Variants in STRIP1 observed in about 807,000 individuals in gnomAD.
STRIP1 encodes the protein striatin-interacting protein 1.
STRIP1 carries 63 observed loss-of-function variants against 106.2 expected under a neutral mutation model. The observed-to-expected ratio is 0.59, with a 90% CI of 0.48 to 0.73. The LOEUF (loss-of-function observed/expected upper bound fraction) is 0.73, where lower values mean the gene tolerates loss of function less well. Among genes scored for constraint, STRIP1 ranks in the 30% least tolerant of loss-of-function variants. The pLI is 0.00. For synonymous variants in STRIP1, 390 were observed against 413.0 expected (o/e 0.94, Z 0.67); for missense variants, 857 against 1,074.8 (o/e 0.80, Z 2.83).
chr1:110,043,300 T>C (rs946392150), intron 9 of STRIP1, 30 bp downstream of exon 9: 2 of 1,602,028 alleles, frequency 1.2e-6, no homozygotes. Context: ...CTGTGACTCC[T>C]GAGGGCCCTC....
At chr1:110,038,427 G>A (rs779100219) in intron 2 of STRIP1, among the ~76,000 whole-genome samples, 1 of 152,194 alleles carries the variant, frequency 6.6e-6, no homozygotes, top group Admixed American at 6.5e-5. Context: ...GTGGCCGTCA[G>A]CCCTGGCATG....
At chr1:110,034,906 T>C in intron 1 of STRIP1, 89 bp downstream of exon 1, 1 of 1,273,774 alleles carries the variant, frequency 7.9e-7, no homozygotes, top group Non-Finnish European at 1.0e-6. Flanking sequence ...CAGGTTGGGC[T>C]TCCCGGAGGG....
At chr1:110,046,777 C>T (rs375496806) in intron 13 of STRIP1, 26 bp downstream of exon 13, 37 of 1,584,948 alleles carry the variant, frequency 2.3e-5, no homozygotes, top group Middle Eastern at 1.7e-4. Flanking sequence ...TCAGTCCGGG[C>T]GCGGTGGCTC....
At chr1:110,039,838 G>A (rs1363550052) in intron 5 of STRIP1, 26 of 1,311,450 alleles carry the variant, frequency 2.0e-5, no homozygotes, top group Non-Finnish European at 2.3e-5. Flanking sequence ...TGCTGTGTTC[G>A]CCCTGCAGTT....
At chr1:110,042,498 A>T (rs1483333570) in intron 8 of STRIP1, among the ~76,000 whole-genome samples, 1 of 152,206 alleles carries the variant, frequency 6.6e-6, no homozygotes, top group African/African-American at 2.4e-5. Flanking sequence ...GGGCTCAGTA[A>T]GTATAGGATT....
chr1:110,053,376 C>G (rs1461535525), intron 20 of STRIP1, among the ~76,000 whole-genome samples: 1 of 152,190 alleles, frequency 6.6e-6, no homozygotes, highest in African/African-American at 2.4e-5. Flanking sequence ...CCCTCTGACC[C>G]CAGAGAGCCA....
rs372305615 is a variant in STRIP1 at position 110,047,623 on chromosome 1, G to A, written c.1563+7G>A. ...CAGCCTGCCTCAGTATATGGTGAGT[G>A]GTGCCTGCAGTGGGACACTCCCACT... is the stretch of plus-strand genomic sequence containing the variant. On this transcript the variant is annotated splice_region_variant and intron_variant, in intron 14 of 20. Transcript: ENST00000369795. 8.1e-6 allele frequency: 13 copies of A among 1,605,682 alleles called. No homozygotes were observed. The Admixed American group carries it at 1.0e-4, about 13-fold the overall frequency.
chr1:110,047,526 C>T lies in STRIP1; in HGVS notation c.1489-16C>T, dbSNP rs754536689. 4 of 1,604,340 alleles carry T rather than the reference C, an allele frequency of 2.5e-6. No homozygotes were observed. In the South Asian group the frequency reaches 3.4e-5, roughly 13 times the overall value. On this transcript the variant is annotated splice_polypyrimidine_tract_variant and intron_variant, in intron 13 of 20. Coordinates refer to ENST00000369795, the MANE Select transcript of STRIP1 (RefSeq NM_033088.4). Reference sequence around the variant, plus strand: ...TCTGGGCTGGGGTTTTATGCTTGTACTCATTATGTTAAAAGGGAGAAGAAG... The same window carrying T: ...TCTGGGCTGGGGTTTTATGCTTGTATTCATTATGTTAAAAGGGAGAAGAAG...
chr1:110,039,883 A>G (rs1448492009), intron 5 of STRIP1: 3 of 1,295,882 alleles, frequency 2.3e-6, no homozygotes, highest in Non-Finnish European at 3.0e-6. Flanking sequence ...CAAGACTGAC[A>G]TATGGGCTCA....
At chr1:110,041,345 AC>A (rs1424559330) in intron 6 of STRIP1, 190 bp from the exon 7 acceptor site, 2 of 545,410 alleles carry the variant, frequency 3.7e-6, no homozygotes, top group African/African-American at 3.8e-5. Flanking sequence ...GCTCGCTACC[AC>A]CTCTGTGGTT....
chr1:110,054,144 TC>T lies in STRIP1; in HGVS notation c.*237del. The T allele has an allele frequency of 1.9e-6, 1 of 534,322 alleles. No homozygotes were observed. Among genetic ancestry groups the T allele is most frequent in the Non-Finnish European group, 3.4e-6 (1 of 297,378 alleles). The allele number at this position is 534,322 out of a possible 1,614,324, so 33.1% of individuals were successfully genotyped here. On this transcript the variant is annotated 3_prime_UTR_variant, in exon 21 of 21. Transcript: ENST00000369795. ...GCCTGAGATCCATTCTTCCTTTACT[TC>T]CCCCACCCTCCTCTCTTGGATATGG...
In STRIP1 at chr1:110,043,318, A is replaced by G. The variant is rs756538844; in HGVS notation, c.1068+48A>G. On this transcript the variant is annotated intron_variant, in intron 9 of 20. Transcript: ENST00000369795. ...TGACTCCTGAGGGCCCTCAAGGTGC[A>G]TGCTTGCAGCAGCACAGTCCTTGGA... 3.8e-6 allele frequency: 6 copies of G among 1,575,454 alleles called. No individual in the cohort carries two copies. In the Admixed American group the frequency reaches 5.1e-5, roughly 13 times the overall value.
intron 17 of STRIP1, 34 bp from the exon 18 acceptor site, chr1:110,050,309 C>T (rs1374731109): frequency 1.2e-6 from 2 of 1,611,340 alleles, no homozygotes; most frequent in African/African-American, 2.7e-5. Flanking sequence ...GGCCTTTGCT[C>T]ATGGTGGGCA....
At position 110,043,241 on chromosome 1, in the gene STRIP1, C is replaced by T; in HGVS notation, c.1039C>T (p.Gln347Ter). The stretch of plus-strand genomic sequence containing the variant: ...ATCTGCTTCAGACTTGATTGAGCAG[C>T]AGCAGAAACGGGGCCGCCGAGAGCA... ...PASASDLIEQ[Q>*]QKRGRREHKA... The change falls in exon 9 of 21, where the codon CAG becomes TAG. Residue 347 changes from glutamine (Q) to a stop codon, truncating the protein, a stop_gained. Coordinates refer to ENST00000369795, the MANE Select transcript of STRIP1 (RefSeq NM_033088.4). LOFTEE classifies it high-confidence loss of function. 2 of 1,613,010 alleles carry T rather than the reference C, an allele frequency of 1.2e-6. No individual in the cohort carries two copies. Among genetic ancestry groups the T allele is most frequent in the Non-Finnish European group, 1.7e-6 (2 of 1,180,028 alleles).
chr1:110,050,623 G>A (rs1213087324), intron 18 of STRIP1, among the ~76,000 whole-genome samples: 1 of 152,238 alleles, frequency 6.6e-6, no homozygotes, highest in Non-Finnish European at 1.5e-5. Context: ...GTCAGGGAGT[G>A]TGGTCTTCAG....
At chr1:110,032,611 A>G (rs1043774614), upstream of STRIP1, among the ~76,000 whole-genome samples, 5 of 152,050 alleles carry the variant, frequency 3.3e-5, no homozygotes, top group East Asian at 3.8e-4. Context: ...CTTACTCTCG[A>G]GCTTACTTAT....
At chr1:110,046,273 G>C (rs1473881167) in intron 12 of STRIP1, among the ~76,000 whole-genome samples, 1 of 152,132 alleles carries the variant, frequency 6.6e-6, no homozygotes, top group Non-Finnish European at 1.5e-5. Flanking sequence ...GCCAAGGTGG[G>C]TGGATCACCT....
chr1:110,046,064 C>G (rs1450434188), intron 12 of STRIP1, among the ~76,000 whole-genome samples: 1 of 152,186 alleles, frequency 6.6e-6, no homozygotes, highest in East Asian at 1.9e-4. Flanking sequence ...TGCAGCTAGG[C>G]TTTTTGAGTA....
chr1:110,035,483 G>A (rs1652407825), intron 1 of STRIP1, among the ~76,000 whole-genome samples: 2 of 152,144 alleles, frequency 1.3e-5, no homozygotes, highest in Admixed American at 6.5e-5. Context: ...TTAAGCATGC[G>A]TTAGGACCCA....
Sources: allele counts gnomAD v4.1 joint callset (sites outside exome capture counted in the v4.1 genomes callset), GRCh38; gene constraint gnomAD v4.1.1; transcripts MANE v1.5; gene names NCBI Gene and HGNC (gene_info 2026-07-23, HGNC 2026-07-21).